PPARGC1A: variants seen among roughly 807,000 people sequenced by gnomAD.
The protein encoded by PPARGC1A is PPARG coactivator 1 alpha, also known as peroxisome proliferator-activated receptor gamma coactivator 1-alpha.
A neutral mutation model predicts 88.7 loss-of-function variants in PPARGC1A; 25 were observed. That is an observed-to-expected ratio of 0.28 (90% CI 0.21 to 0.39). The LOEUF (loss-of-function observed/expected upper bound fraction) is 0.39, where lower values mean the gene tolerates loss of function less well. PPARGC1A is among the 10% of genes least tolerant of loss of function. The pLI is 1.00. For synonymous variants in PPARGC1A, 363 were observed against 355.6 expected (o/e 1.02, Z -0.24); for missense variants, 880 against 968.7 (o/e 0.91, Z 1.22).
At chr4:24,195,376 A>G in the PPARGC1A span, among the ~76,000 whole-genome samples, 2 of 152,198 alleles carry the variant, frequency 1.3e-5, no homozygotes, top group African/African-American at 2.4e-5. Context: ...TCTCCACAAT[A>G]GTAATTATTA....
the PPARGC1A span, among the ~76,000 whole-genome samples, chr4:24,209,675 A>C: frequency 6.6e-6 from 1 of 152,210 alleles, no homozygotes; most frequent in Non-Finnish European, 1.5e-5. Context: ...CCTAGATTGT[A>C]GTCTACAAAA....
chr4:24,210,695 C>T, the PPARGC1A span, among the ~76,000 whole-genome samples: 5 of 152,342 alleles, frequency 3.3e-5, no homozygotes, highest in South Asian at 1.0e-3. Flanking sequence ...AATTCTCCCA[C>T]CCACTTATGG....
At chr4:24,225,413 CA>C in the PPARGC1A span, among the ~76,000 whole-genome samples, 2 of 151,680 alleles carry the variant, frequency 1.3e-5, no homozygotes, top group South Asian at 4.2e-4. Flanking sequence ...ACTAAAAATA[CA>C]AAAAATTAGC....
the PPARGC1A span, among the ~76,000 whole-genome samples, chr4:24,400,573 T>A: frequency 1.3e-5 from 2 of 152,216 alleles, no homozygotes; most frequent in African/African-American, 2.4e-5. Context: ...AGTTCTGTCC[T>A]TCTAAGAGAA....
chr4:24,447,469 G>A, the PPARGC1A span, among the ~76,000 whole-genome samples: 1 of 152,242 alleles, frequency 6.6e-6, no homozygotes, highest in Admixed American at 6.5e-5. Context: ...CTGAAACTCA[G>A]GCCAGGTGAG....
chr4:23,810,345 C>G (rs1720664738), intron 10 of PPARGC1A, among the ~76,000 whole-genome samples: 1 of 133,192 alleles, frequency 7.5e-6, no homozygotes, highest in Non-Finnish European at 1.6e-5. Flanking sequence ...TACAAGTGCT[C>G]TTTGGAAGAG....
At chr4:23,805,447 G>A (rs568652550) in intron 10 of PPARGC1A, among the ~76,000 whole-genome samples, 3 of 152,268 alleles carry the variant, frequency 2.0e-5, no homozygotes, top group Non-Finnish European at 4.4e-5. Flanking sequence ...ATGACCAGAT[G>A]AAGCAGAGTA....
At chr4:24,174,461 C>T in the PPARGC1A span, among the ~76,000 whole-genome samples, 1 of 152,186 alleles carries the variant, frequency 6.6e-6, no homozygotes, top group African/African-American at 2.4e-5. Flanking sequence ...TTGGAGAACA[C>T]TTGTCTTAGT....
chr4:24,291,773 A>G, the PPARGC1A span, among the ~76,000 whole-genome samples: 1 of 152,224 alleles, frequency 6.6e-6, no homozygotes, highest in Non-Finnish European at 1.5e-5. Flanking sequence ...ATTGAGTAAA[A>G]GAGAAAAAGA....
the PPARGC1A span, among the ~76,000 whole-genome samples, chr4:24,256,877 G>T: frequency 6.6e-6 from 1 of 152,182 alleles, no homozygotes; most frequent in Non-Finnish European, 1.5e-5. Flanking sequence ...TAGATTCTCA[G>T]TGCTGCTTGT....
the PPARGC1A span, among the ~76,000 whole-genome samples, chr4:23,986,992 A>T: frequency 6.6e-6 from 1 of 152,070 alleles, no homozygotes; most frequent in Non-Finnish European, 1.5e-5. Context: ...CTGCCAAGAG[A>T]ATGAACACAG....
At chr4:24,139,550 A>G in the PPARGC1A span, among the ~76,000 whole-genome samples, 4 of 152,190 alleles carry the variant, frequency 2.6e-5, no homozygotes, top group Admixed American at 6.5e-5. Flanking sequence ...GAGTTTTGCT[A>G]TTAATTGATG....
chr4:24,022,451 TTGCCAACTGTGA>T, the PPARGC1A span, among the ~76,000 whole-genome samples: 1 of 152,190 alleles, frequency 6.6e-6, no homozygotes, highest in African/African-American at 2.4e-5. Flanking sequence ...ACCCTCTCCC[TTGCCAACTGTGA>T]TGTAAGTGCC....
chr4:24,404,424 C>T, the PPARGC1A span, among the ~76,000 whole-genome samples: 2 of 151,936 alleles, frequency 1.3e-5, no homozygotes, highest in Non-Finnish European at 2.9e-5. Flanking sequence ...AAGTAAAAAT[C>T]TTTAGTGAGT....
At chr4:24,371,047 TGTGTTA>T in the PPARGC1A span, among the ~76,000 whole-genome samples, 1 of 152,236 alleles carries the variant, frequency 6.6e-6, no homozygotes, top group Admixed American at 6.5e-5. Flanking sequence ...TTTCCGTTCC[TGTGTTA>T]GTTTGCTGAG....
chr4:24,129,360 T>C, the PPARGC1A span, among the ~76,000 whole-genome samples: 1 of 152,176 alleles, frequency 6.6e-6, no homozygotes, highest in Non-Finnish European at 1.5e-5. Flanking sequence ...AAATGTTCCA[T>C]AGGGCTAGGA....
the PPARGC1A span, among the ~76,000 whole-genome samples, chr4:24,461,265 C>T: frequency 1.4e-4 from 22 of 152,190 alleles, no homozygotes; most frequent in South Asian, 2.1e-4. Context: ...TTATTATCAA[C>T]CAAGTTTGAA....
At chr4:24,181,768 C>G in the PPARGC1A span, among the ~76,000 whole-genome samples, 1 of 152,118 alleles carries the variant, frequency 6.6e-6, no homozygotes, top group African/African-American at 2.4e-5. Flanking sequence ...AAGTAAAGTC[C>G]TACATGGTCA....
chr4:23,828,422 C>T lies in PPARGC1A; in HGVS notation c.735G>A (p.Gln245=), dbSNP rs773301141. ...TACCTTGTAAGTGTTGTGACTGCGA[C>T]TGTGTGTGGGACTTCTTTTTGGAGG... ...KCTSKKKSHT[Q]SQSQHLQAKP... is the part of the protein sequence containing the mutation. Residue 245 remains glutamine (Q), a synonymous_variant, in exon 5 of 13, where the codon CAG becomes CAA. Transcript: ENST00000264867. The T allele has an allele frequency of 3.1e-6, 5 of 1,613,884 alleles. No homozygotes were observed. Among genetic ancestry groups the T allele is most frequent in the Non-Finnish European group, 4.2e-6 (5 of 1,179,846 alleles).
Sources: allele counts gnomAD v4.1 joint callset (sites outside exome capture counted in the v4.1 genomes callset), GRCh38; gene constraint gnomAD v4.1.1; transcripts MANE v1.5; gene names NCBI Gene and HGNC (gene_info 2026-07-23, HGNC 2026-07-21).